Variants in ADGRL2 observed in about 807,000 individuals in gnomAD.
The protein encoded by ADGRL2 is calcium-independent alpha-latrotoxin receptor 2.
ADGRL2 carries 44 observed loss-of-function variants against 157.4 expected under a neutral mutation model. The ratio of observed to expected loss-of-function variants is 0.28; its 90% CI spans 0.22 to 0.36. The LOEUF is 0.36. Ranked by LOEUF, ADGRL2 falls within the 10% of genes least tolerant of loss-of-function variation. ADGRL2 has a pLI of 1.00. For missense variants in ADGRL2, 1,510 were observed against 1,768.9 expected (o/e 0.85, Z 2.63); for synonymous variants, 585 against 624.7 (o/e 0.94, Z 0.95).
At chr1:81,820,434 C>T (rs61773936) in intron 1 of ADGRL2, among the ~76,000 whole-genome samples, 1 of 152,058 alleles carries the variant, frequency 6.6e-6, no homozygotes, top group East Asian at 1.9e-4. Context: ...CATGGAAACT[C>T]TCAGTAAATG....
At position 81,974,705 on chromosome 1, in the gene ADGRL2, G is replaced by A. The variant is rs1049688225; in HGVS notation, c.3021+2787G>A. 2.0e-5 allele frequency among the ~76,000 whole-genome samples: 3 copies of A among 152,130 alleles called. No homozygotes were observed. In the East Asian group the frequency reaches 5.8e-4, roughly 29 times the overall value. The stretch of plus-strand genomic sequence containing the variant: ...GAATTTTAAGCTGCTAAGCTCAGAC[G>A]GATGTGATTCAATTGAGCAGGTTGA... On this transcript the variant is annotated intron_variant, in intron 17 of 23. Coordinates refer to ENST00000686636, the MANE Select transcript of ADGRL2 (RefSeq NM_001366006.2).
intron 1 of ADGRL2, among the ~76,000 whole-genome samples, chr1:81,704,242 G>T (rs1008191838): frequency 6.6e-6 from 1 of 152,160 alleles, no homozygotes; most frequent in African/African-American, 2.4e-5. Flanking sequence ...AAAAGAGAAG[G>T]CCCTAAAAGT....
intron 3 of ADGRL2, among the ~76,000 whole-genome samples, chr1:81,663,085 C>T (rs907602606): frequency 7.1e-6 from 1 of 141,642 alleles, no homozygotes; most frequent in African/African-American, 2.6e-5. Context: ...CCTAACACTC[C>T]TCCCACCACT....
chr1:81,453,409 C>T lies in ADGRL2; in HGVS notation c.-248+8320C>T, dbSNP rs74094006. Among the ~76,000 whole-genome samples, 892 of 152,204 alleles carry T rather than the reference C, an allele frequency of 5.9e-3. 9 individuals are homozygous for T. The highest frequency in any genetic ancestry group is 0.021 in the African/African-American group (861 of 41,532). On this transcript the variant is annotated intron_variant, in intron 2 of 24. Transcript: ENST00000370721. ...GTTTACAGATTAATGAAGAGCCAGA[C>T]ATTGCTGTTAAGGACTTAATATGCA...
chr1:81,711,727 T>C (rs901754167), intron 1 of ADGRL2, among the ~76,000 whole-genome samples: 1 of 152,188 alleles, frequency 6.6e-6, no homozygotes, highest in African/African-American at 2.4e-5. Flanking sequence ...CTATCATCAT[T>C]GCAAATGTCA....
intron 3 of ADGRL2, among the ~76,000 whole-genome samples, chr1:81,627,616 T>C (rs765673532): frequency 2.0e-5 from 3 of 152,190 alleles, no homozygotes; most frequent in Non-Finnish European, 4.4e-5. Context: ...TCAGAAAGAT[T>C]AAATATAATA....
chr1:81,343,087 C>CTTTTTTTTTTTTTTTTTTTTTTT (rs764039251), intron 1 of ADGRL2, among the ~76,000 whole-genome samples: 2 of 127,494 alleles, frequency 1.6e-5, no homozygotes, highest in African/African-American at 2.9e-5. Flanking sequence ...TTTCTTTTTT[C>CTTTTTTTTTTTTTTTTTTTTTTT]TTTTCTTTTT....
intron 2 of ADGRL2, among the ~76,000 whole-genome samples, chr1:81,527,657 A>ATC (rs2079493785): frequency 6.6e-6 from 1 of 151,878 alleles, no homozygotes; most frequent in Non-Finnish European, 1.5e-5. Flanking sequence ...GGTTGCAGTG[A>ATC]GCCAAGATCG....
chr1:81,532,354 A>G (rs1317046333), intron 2 of ADGRL2, among the ~76,000 whole-genome samples: 1 of 152,184 alleles, frequency 6.6e-6, no homozygotes, highest in East Asian at 1.9e-4. Flanking sequence ...GCTAGGAGGA[A>G]TCCTGGAAAT....
chr1:81,409,734 A>T (rs2076917495), intron 1 of ADGRL2, among the ~76,000 whole-genome samples: 1 of 152,224 alleles, frequency 6.6e-6, no homozygotes, highest in Non-Finnish European at 1.5e-5. Context: ...CTATTCTTGT[A>T]AATCCATGCA....
intron 2 of ADGRL2, among the ~76,000 whole-genome samples, chr1:81,896,454 C>T (rs533716927): frequency 1.3e-5 from 2 of 152,212 alleles, no homozygotes; most frequent in Admixed American, 6.5e-5. Flanking sequence ...GATTAGGGGA[C>T]TCTGATGAAA....
At chr1:81,545,666 A>G (rs2079998688) in intron 2 of ADGRL2, among the ~76,000 whole-genome samples, 2 of 152,174 alleles carry the variant, frequency 1.3e-5, no homozygotes, top group African/African-American at 4.8e-5. Flanking sequence ...GCTTATGGGG[A>G]GCTTCAGTTG....
chr1:81,989,414 C>T (rs1156798561), intron 23 of ADGRL2, among the ~76,000 whole-genome samples: 1 of 152,158 alleles, frequency 6.6e-6, no homozygotes, highest in Non-Finnish European at 1.5e-5. Flanking sequence ...TCGGTGCTGT[C>T]ACTGTGACTG....
chr1:81,481,553 TG>T (rs2078388264), intron 2 of ADGRL2, among the ~76,000 whole-genome samples: 1 of 152,194 alleles, frequency 6.6e-6, no homozygotes, highest in Admixed American at 6.5e-5. Context: ...CTCCCTGATT[TG>T]GGGGAAGACC....
At chr1:81,639,245 A>G (rs750039428) in intron 3 of ADGRL2, among the ~76,000 whole-genome samples, 1 of 151,918 alleles carries the variant, frequency 6.6e-6, no homozygotes, top group Non-Finnish European at 1.5e-5. Flanking sequence ...TAACTTTTGT[A>G]TTTTTAGTAG....
intron 2 of ADGRL2, among the ~76,000 whole-genome samples, chr1:81,531,292 A>G (rs2079592324): frequency 6.6e-6 from 1 of 152,148 alleles, no homozygotes; most frequent in African/African-American, 2.4e-5. Context: ...AACATAATAG[A>G]TTGCATGTAT....
Position 81,969,160 on chromosome 1 carries a change from A to T in ADGRL2, c.2524-18A>T, listed in dbSNP as rs186578431. ...TAATGCAGGAATACTAATGTTCCTC[A>T]TATCTTTTTATTTTCAGTATAAAGA... is the stretch of plus-strand genomic sequence containing the variant. On this transcript the variant is annotated intron_variant, in intron 14 of 23. Transcript: ENST00000686636. 4 of 1,567,638 alleles carry T rather than the reference A, an allele frequency of 2.6e-6. 1 individual carries two copies. Among genetic ancestry groups the T allele is most frequent in the South Asian group, 2.2e-5 (2 of 90,046 alleles).
At chr1:81,784,265 T>G (rs1488935538) in intron 2 of ADGRL2, among the ~76,000 whole-genome samples, 2 of 152,336 alleles carry the variant, frequency 1.3e-5, no homozygotes, top group East Asian at 3.9e-4. Context: ...AGCTTTTACT[T>G]AAAAAAGTAG....
intron 21 of ADGRL2, among the ~76,000 whole-genome samples, chr1:81,985,885 C>A (rs1663017975): frequency 6.6e-6 from 1 of 151,800 alleles, no homozygotes; most frequent in Admixed American, 6.6e-5. Context: ...TAATACATTC[C>A]AATTTAGTAT....
Sources: allele counts gnomAD v4.1 joint callset (sites outside exome capture counted in the v4.1 genomes callset), GRCh38; gene constraint gnomAD v4.1.1; transcripts MANE v1.5; gene names NCBI Gene and HGNC (gene_info 2026-07-23, HGNC 2026-07-21).